MEOX2: variants seen among roughly 807,000 people sequenced by gnomAD.
MEOX2 encodes mesenchyme homeobox 2.
In MEOX2, 11 loss-of-function variants were observed where a neutral mutation model predicts 27.0. The ratio of observed to expected loss-of-function variants is 0.41; its 90% CI spans 0.26 to 0.68. The LOEUF (loss-of-function observed/expected upper bound fraction) is 0.68, where lower values mean the gene tolerates loss of function less well. Among genes scored for constraint, MEOX2 ranks in the 30% least tolerant of loss-of-function variants. The probability of loss-of-function intolerance (pLI) is 0.33; values close to 1 mark genes in which losing one functional copy is unlikely to be tolerated. For synonymous variants in MEOX2, 189 were observed against 155.4 expected (o/e 1.22, Z -1.61); for missense variants, 436 against 385.4 (o/e 1.13, Z -1.10).
At chr7:15,630,175 T>A (rs1056625730) in intron 1 of MEOX2, among the ~76,000 whole-genome samples, 1 of 152,062 alleles carries the variant, frequency 6.6e-6, no homozygotes, top group African/African-American at 2.4e-5. Flanking sequence ...TGTTGACTTA[T>A]GTGTTCAGGT....
intron 1 of MEOX2, among the ~76,000 whole-genome samples, chr7:15,672,141 G>C (rs1427386057): frequency 6.6e-6 from 1 of 151,954 alleles, no homozygotes; most frequent in Admixed American, 6.6e-5. Context: ...TGAAAAATTT[G>C]AAATTAATCT....
intron 2 of MEOX2, among the ~76,000 whole-genome samples, chr7:15,621,829 C>T (rs1426546876): frequency 1.3e-5 from 2 of 152,096 alleles, no homozygotes; most frequent in African/African-American, 4.8e-5. Context: ...AAAAACAATT[C>T]TGTTACAGGC....
intron 1 of MEOX2, 121 bp downstream of exon 1, chr7:15,685,764 CA>C: frequency 7.3e-7 from 1 of 1,368,866 alleles, no homozygotes; most frequent in Non-Finnish European, 9.9e-7. Context: ...CAGGAAGCCA[CA>C]GAGGGCAACA....
rs1782073431 is a variant in MEOX2 at position 15,670,230 on chromosome 7, G to A, written c.517+15656C>T. Among the ~76,000 whole-genome samples, 7 of 151,926 alleles carry A rather than the reference G, an allele frequency of 4.6e-5. No homozygotes were observed. In the South Asian group the frequency reaches 1.5e-3, roughly 32 times the overall value. ...TGCATTATGTTTAATAATTATTTTA[G>A]GATGCACTTTGTCCTCTTCAAAACA... On this transcript the variant is annotated intron_variant, in intron 1 of 2. Transcript: ENST00000262041.
chr7:15,635,713 T>C (rs1450986576), intron 1 of MEOX2, among the ~76,000 whole-genome samples: 1 of 151,898 alleles, frequency 6.6e-6, no homozygotes, highest in Non-Finnish European at 1.5e-5. Context: ...GACCTCAATC[T>C]AAAAATCTAA....
chr7:15,685,532 G>T lies in MEOX2; in HGVS notation c.517+354C>A, dbSNP rs1027179417. Among the ~76,000 whole-genome samples, 3 of 152,162 alleles carry T rather than the reference G, an allele frequency of 2.0e-5. No homozygotes were observed. In the South Asian group the frequency reaches 6.2e-4, roughly 31 times the overall value. ...GCACCCGCACGCACGCCTGCCCAAC[G>T]GACGCTGCATCCCTGGGCGCACGCC... On this transcript the variant is annotated intron_variant, in intron 1 of 2. Transcript: ENST00000262041.
At chr7:15,646,011 T>C (rs1018584953) in intron 1 of MEOX2, among the ~76,000 whole-genome samples, 16 of 152,118 alleles carry the variant, frequency 1.1e-4, no homozygotes, top group African/African-American at 3.9e-4. Context: ...AGAATGTTTA[T>C]GTGATAATAT....
intron 1 of MEOX2, among the ~76,000 whole-genome samples, chr7:15,630,028 T>C (rs1377179259): frequency 6.6e-6 from 1 of 152,022 alleles, no homozygotes; most frequent in Non-Finnish European, 1.5e-5. Flanking sequence ...CTTCCTTTCT[T>C]CTCTACAACC....
At chr7:15,622,981 C>T (rs1781243945) in intron 2 of MEOX2, among the ~76,000 whole-genome samples, 2 of 152,174 alleles carry the variant, frequency 1.3e-5, no homozygotes, top group African/African-American at 2.4e-5. Flanking sequence ...GCTCACCAGA[C>T]ACCGAATCTG....
chr7:15,622,965 G>T (rs1168816532), intron 2 of MEOX2, among the ~76,000 whole-genome samples: 5 of 152,182 alleles, frequency 3.3e-5, no homozygotes, highest in Non-Finnish European at 5.9e-5. Context: ...CTATGAAGAA[G>T]TGTGTGCTCA....
In MEOX2 at chr7:15,612,306, C is replaced by G. The variant is rs534309020; in HGVS notation, c.*81G>C. 9.2e-7 allele frequency: 1 copy of G among 1,083,176 alleles called. No individual in the cohort carries two copies. The allele number at this position is 1,083,176 out of a possible 1,614,324, so 67.1% of individuals were successfully genotyped here. A position where few individuals can be genotyped will look rare whatever the true frequency, so the allele number is the denominator to read the frequency against. On this transcript the variant is annotated 3_prime_UTR_variant, in exon 3 of 3. Transcript: ENST00000262041. Reference sequence around the variant, plus strand: ...TATTAAACATCACTGCCATAGTCATCTCTCTGTGTAAACGATATTTGGGTA... The same window carrying G: ...TATTAAACATCACTGCCATAGTCATGTCTCTGTGTAAACGATATTTGGGTA...
At chr7:15,681,002 C>T (rs546001737) in intron 1 of MEOX2, 22 of 148,598 alleles carry the variant, frequency 1.5e-4, no homozygotes, top group African/African-American at 5.5e-4. Context: ...TCTTCCTGCA[C>T]AAAATGTTTC....
At chr7:15,615,624 G>C (rs1781111463) in intron 2 of MEOX2, among the ~76,000 whole-genome samples, 2 of 151,952 alleles carry the variant, frequency 1.3e-5, no homozygotes, top group African/African-American at 2.4e-5. Flanking sequence ...TTCCACATGA[G>C]TTGGGTTCTA....
At chr7:15,661,402 T>C (rs1461233252) in intron 1 of MEOX2, among the ~76,000 whole-genome samples, 1 of 152,196 alleles carries the variant, frequency 6.6e-6, no homozygotes, top group Non-Finnish European at 1.5e-5. Flanking sequence ...TATATTAGCA[T>C]ATTCATGAAA....
At chr7:15,638,052 C>G (rs1473067085) in intron 1 of MEOX2, among the ~76,000 whole-genome samples, 2 of 151,958 alleles carry the variant, frequency 1.3e-5, no homozygotes, top group African/African-American at 4.8e-5. Flanking sequence ...TTTCATTTGA[C>G]ACGTAACATT....
chr7:15,684,983 G>A (rs1782353902), intron 1 of MEOX2, among the ~76,000 whole-genome samples: 2 of 152,228 alleles, frequency 1.3e-5, no homozygotes, highest in Admixed American at 1.3e-4. Flanking sequence ...TTCCCCTTTT[G>A]CATGGCTGCT....
intron 2 of MEOX2, among the ~76,000 whole-genome samples, chr7:15,615,947 G>T (rs1473700119): frequency 1.3e-5 from 2 of 151,782 alleles, no homozygotes; most frequent in Non-Finnish European, 2.9e-5. Flanking sequence ...AACCTGTTAT[G>T]GGCAATTCTA....
rs1157881298 is a variant in MEOX2, at chr7:15,616,283, C to T, written c.691-3672G>A. Among the ~76,000 whole-genome samples, 8 of 151,684 alleles carry T rather than the reference C, an allele frequency of 5.3e-5. No individual in the cohort carries two copies. In the East Asian group the frequency reaches 1.4e-3, roughly 26 times the overall value. On this transcript the variant is annotated intron_variant, in intron 2 of 2. Coordinates refer to ENST00000262041, the MANE Select transcript of MEOX2 (RefSeq NM_005924.5). ...AAAATTGCAACAAATACATAATGGG[C>T]ATATCTTATAGAAAATAGAAGGAAG...
At chr7:15,664,305 AGTT>A (rs1562610852) in intron 1 of MEOX2, among the ~76,000 whole-genome samples, 3 of 152,072 alleles carry the variant, frequency 2.0e-5, no homozygotes, top group African/African-American at 4.8e-5. Context: ...TGATCTTTCT[AGTT>A]GTTGTGGCAT....
Sources: allele counts gnomAD v4.1 joint callset (sites outside exome capture counted in the v4.1 genomes callset), GRCh38; gene constraint gnomAD v4.1.1; transcripts MANE v1.5; gene names NCBI Gene and HGNC (gene_info 2026-07-23, HGNC 2026-07-21).